Variants in NLK observed in about 807,000 individuals in gnomAD.
The protein encoded by NLK is nemo like kinase.
A neutral mutation model predicts 59.0 loss-of-function variants in NLK; 11 were observed. That is an observed-to-expected ratio of 0.19 (90% CI 0.12 to 0.31). The LOEUF (loss-of-function observed/expected upper bound fraction) is 0.31. Among genes scored for constraint, NLK ranks in the 10% least tolerant of loss-of-function variants. The pLI is 1.00. For missense variants in NLK, 410 were observed against 661.1 expected, an observed-to-expected ratio of 0.62 and a Z score of 4.16; for synonymous variants, 235 against 235.9, an observed-to-expected ratio of 1.00 and a Z score of 0.03.
chr17:28,092,913 A>T (rs957539339), intron 1 of NLK, among the ~76,000 whole-genome samples: 1 of 151,880 alleles, frequency 6.6e-6, no homozygotes, highest in Non-Finnish European at 1.5e-5. Flanking sequence ...CTCCAGTCTC[A>T]GCCTCCCGAG....
chr17:28,196,230 A>G lies in NLK; in HGVS notation c.*1594A>G, dbSNP rs1007736400. On this transcript the variant is annotated 3_prime_UTR_variant, in exon 11 of 11. Coordinates refer to ENST00000407008, the MANE Select transcript of NLK (RefSeq NM_016231.5). ...GCATTTCAATTCACTTGAATGAGAA[A>G]CGTGTTTAGTATCAAAAGAGCCCAA... The G allele has an allele frequency of 2.0e-5, 3 of 152,594 alleles. No homozygotes were observed. The highest frequency in any genetic ancestry group is 7.2e-5 in the African/African-American group (3 of 41,436). 9.5% of individuals were successfully genotyped at this position (152,594 alleles called of 1,614,324 possible).
At chr17:28,100,910 G>T (rs1426722039) in intron 1 of NLK, among the ~76,000 whole-genome samples, 1 of 152,100 alleles carries the variant, frequency 6.6e-6, no homozygotes, top group Non-Finnish European at 1.5e-5. Flanking sequence ...TAGAAACGAT[G>T]AATTATTTTT....
chr17:28,205,263 G>A, the NLK span, among the ~76,000 whole-genome samples: 1 of 152,334 alleles, frequency 6.6e-6, no homozygotes, highest in African/African-American at 2.4e-5. Context: ...GTAGGCACTT[G>A]AGAAACCTTG....
downstream of NLK, among the ~76,000 whole-genome samples, chr17:28,198,384 C>T (rs150609027): frequency 8.1e-3 from 1,228 of 152,262 alleles, 13 homozygotes; most frequent in African/African-American, 0.026. Context: ...AGTGTAGTGG[C>T]GCAATCTCGG....
At chr17:28,058,403 G>GTAGA (rs2142743181) in intron 1 of NLK, among the ~76,000 whole-genome samples, 1 of 152,304 alleles carries the variant, frequency 6.6e-6, no homozygotes, top group East Asian at 1.9e-4. Flanking sequence ...TCCTCTTAAA[G>GTAGA]TAGATACTCA....
chr17:28,131,949 C>T (rs1202148603), intron 2 of NLK, among the ~76,000 whole-genome samples: 2 of 152,070 alleles, frequency 1.3e-5, no homozygotes, highest in Non-Finnish European at 2.9e-5. Context: ...CTATTTTCTT[C>T]CTACCCTCTA....
At position 28,088,517 on chromosome 17, in the gene NLK, TG is replaced by T. The variant is rs202246940; in HGVS notation, c.459-34085del. Among the ~76,000 whole-genome samples, 781 of 152,352 alleles carry T rather than the reference TG, an allele frequency of 5.1e-3. 4 individuals carry two copies. The highest frequency in any genetic ancestry group is 0.017 in the Middle Eastern group (5 of 294). On this transcript the variant is annotated intron_variant, in intron 1 of 10. Coordinates refer to ENST00000407008, the MANE Select transcript of NLK (RefSeq NM_016231.5). ...TTTATTCATTTTCAAAATAATGAAT[TG>T]ATCCATTAGCATCCTCTAACAGTAA... is the stretch of plus-strand genomic sequence containing the variant.
intron 1 of NLK, among the ~76,000 whole-genome samples, chr17:28,069,282 A>C (rs1233902454): frequency 6.6e-6 from 1 of 152,190 alleles, no homozygotes; most frequent in Non-Finnish European, 1.5e-5. Context: ...ACTGAATCAT[A>C]TGTCAGTGTA....
intron 3 of NLK, among the ~76,000 whole-genome samples, chr17:28,152,713 T>C (rs1291323770): frequency 6.6e-6 from 1 of 152,036 alleles, no homozygotes; most frequent in Non-Finnish European, 1.5e-5. Context: ...AGCCTCGACC[T>C]CCTGGGCTCA....
At chr17:28,076,939 G>A (rs1386783601) in intron 1 of NLK, among the ~76,000 whole-genome samples, 1 of 152,014 alleles carries the variant, frequency 6.6e-6, no homozygotes, top group African/African-American at 2.4e-5. Flanking sequence ...ATTATATTCA[G>A]TCTGATATAA....
intron 1 of NLK, among the ~76,000 whole-genome samples, chr17:28,067,398 T>C (rs1358611479): frequency 1.3e-5 from 2 of 152,096 alleles, no homozygotes; most frequent in East Asian, 1.9e-4. Context: ...AAGTCAGCAT[T>C]CTAATGCACT....
At chr17:28,160,824 TA>T (rs1190245450) in intron 3 of NLK, among the ~76,000 whole-genome samples, 1 of 152,198 alleles carries the variant, frequency 6.6e-6, no homozygotes, top group African/African-American at 2.4e-5. Context: ...GACATTCCTG[TA>T]ATATGTCTAA....
rs753515051 is a variant in NLK, at chr17:28,191,265, A to G, written c.1435+46A>G. 3.8e-5 allele frequency: 55 copies of G among 1,451,894 alleles called. No homozygotes were observed. In the South Asian group the frequency reaches 6.3e-4, roughly 17 times the overall value. The allele number at this position is 1,451,894 out of a possible 1,614,324, so 89.9% of individuals were successfully genotyped here. On this transcript the variant is annotated intron_variant, in intron 9 of 10. Transcript: ENST00000407008. ...TTGGCCAGGCAATATGCCTAGTAAC[A>G]TTTTCCATTAGGTGGCCATGAAGAG...
chr17:28,127,012 C>T (rs1478263581), intron 2 of NLK, among the ~76,000 whole-genome samples: 2 of 152,090 alleles, frequency 1.3e-5, no homozygotes, highest in Non-Finnish European at 2.9e-5. Context: ...TCATTTTAGG[C>T]TTTCACTTGT....
At chr17:28,057,624 A>G (rs1169424794) in intron 1 of NLK, among the ~76,000 whole-genome samples, 1 of 152,158 alleles carries the variant, frequency 6.6e-6, no homozygotes, top group Non-Finnish European at 1.5e-5. Context: ...ATAGTGTAAG[A>G]TCTGGTTTCA....
At chr17:28,081,976 C>G (rs1399648663) in intron 1 of NLK, among the ~76,000 whole-genome samples, 4 of 152,244 alleles carry the variant, frequency 2.6e-5, no homozygotes, top group Non-Finnish European at 5.9e-5. Context: ...TCACTGTAAC[C>G]TCTACCTCCC....
intron 1 of NLK, among the ~76,000 whole-genome samples, chr17:28,095,366 C>T (rs1388643135): frequency 6.6e-6 from 1 of 152,084 alleles, no homozygotes; most frequent in African/African-American, 2.4e-5. Context: ...TTATCAGATT[C>T]GTTCCATTCC....
At chr17:28,050,738 G>T (rs1909222819) in intron 1 of NLK, among the ~76,000 whole-genome samples, 1 of 152,116 alleles carries the variant, frequency 6.6e-6, no homozygotes, top group South Asian at 2.1e-4. Flanking sequence ...AGGAAAATGT[G>T]TTCACAATGA....
chr17:28,185,248 A>C lies in NLK; in HGVS notation c.1219A>C (p.Met407Leu), dbSNP rs1417864796. Reference protein sequence around the residue: ...THEAVHLLCRMLVFDPSKRIS... With the variant: ...THEAVHLLCRLLVFDPSKRIS... ...TGAAGCTGTTCATCTCCTTTGCAGG[A>C]TGTTGGTCTTTGATCCAGTAAGTAG... The change falls in exon 8 of 11, where the codon ATG becomes CTG. Residue 407 changes from methionine to leucine, a missense_variant. Met to Leu is a conservative substitution (Grantham distance 15, BLOSUM62 2). Transcript: ENST00000407008. 1 of 1,584,068 alleles carries C rather than the reference A, an allele frequency of 6.3e-7. No homozygotes were observed. The highest frequency in any genetic ancestry group is 2.3e-5 in the East Asian group (1 of 43,836).
Sources: allele counts gnomAD v4.1 joint callset (sites outside exome capture counted in the v4.1 genomes callset), GRCh38; gene constraint gnomAD v4.1.1; transcripts MANE v1.5; gene names NCBI Gene and HGNC (gene_info 2026-07-23, HGNC 2026-07-21).